C7orf57: variants seen among roughly 807,000 people sequenced by gnomAD.
C7orf57 encodes chromosome 7 open reading frame 57, also known as uncharacterized protein C7orf57.
In C7orf57, 33 loss-of-function variants were observed where a neutral mutation model predicts 39.0. That is an observed-to-expected ratio of 0.85 (90% CI 0.64 to 1.13). C7orf57 has a LOEUF of 1.13. Among genes scored for constraint, C7orf57 ranks in the 50% most tolerant of loss-of-function variants. C7orf57 has a pLI of 0.00. For synonymous variants in C7orf57, 124 were observed against 137.1 expected (o/e 0.90, Z 0.67); for missense variants, 346 against 362.3 (o/e 0.95, Z 0.37).
At chr7:48,047,836 AG>A (rs980622787) in intron 5 of C7orf57, among the ~76,000 whole-genome samples, 81 of 152,036 alleles carry the variant, frequency 5.3e-4, no homozygotes, top group African/African-American at 1.8e-3. Flanking sequence ...CCGAGTAGCT[AG>A]GTCTACAGGT....
At position 48,046,788 on chromosome 7, in the gene C7orf57, A is replaced by G. The variant is rs117041004; in HGVS notation, c.507+172A>G. ...CTAAAAGGCAAGCAGGCACCATACT[A>G]TGGTCTTTCTTTTTCTTTTTATGAA... On this transcript the variant is annotated intron_variant, in intron 5 of 8. Transcript: ENST00000348904. 2.0e-5 allele frequency among the ~76,000 whole-genome samples: 3 copies of G among 152,320 alleles called. No individual in the cohort carries two copies. In the East Asian group the frequency reaches 5.8e-4, roughly 29 times the overall value.
intron 3 of C7orf57, 168 bp downstream of exon 3, chr7:48,041,687 G>T (rs1262216790): frequency 2.2e-6 from 1 of 453,684 alleles, no homozygotes; most frequent in African/African-American, 2.0e-5. Flanking sequence ...GATCTCCAGG[G>T]ATGAGCTAAT....
At chr7:48,044,437 A>C (rs1418766359) in intron 4 of C7orf57, among the ~76,000 whole-genome samples, 1 of 152,216 alleles carries the variant, frequency 6.6e-6, no homozygotes, top group Non-Finnish European at 1.5e-5. Flanking sequence ...GCTCTCAGGC[A>C]ATAGATGATT....
intron 2 of C7orf57, among the ~76,000 whole-genome samples, chr7:48,039,976 C>G (rs961140121): frequency 6.6e-6 from 1 of 151,962 alleles, no homozygotes; most frequent in Non-Finnish European, 1.5e-5. Context: ...TACATTTGGG[C>G]ATCTGGTTAA....
Position 48,059,774 on chromosome 7 carries a change from T to C in C7orf57, c.842-452T>C, listed in dbSNP as rs553530212. Among the ~76,000 whole-genome samples, 6 of 152,356 alleles carry C rather than the reference T, an allele frequency of 3.9e-5. No individual in the cohort carries two copies. In the South Asian group the frequency reaches 1.2e-3, roughly 32 times the overall value. On this transcript the variant is annotated intron_variant, in intron 8 of 8. Transcript: ENST00000348904. ...GCCCTAAAGCTGGGCATTAGGAAAC[T>C]GGTACACTACTGTACTTTGAGAGGG...
intron 5 of C7orf57, among the ~76,000 whole-genome samples, chr7:48,047,489 G>T (rs1430423818): frequency 6.6e-6 from 1 of 152,210 alleles, no homozygotes; most frequent in Admixed American, 6.5e-5. Flanking sequence ...TTCCTAGGCT[G>T]TTGCCTTAGC....
At chr7:48,047,943 C>A (rs1260648710) in intron 5 of C7orf57, among the ~76,000 whole-genome samples, 1 of 152,166 alleles carries the variant, frequency 6.6e-6, no homozygotes, top group Non-Finnish European at 1.5e-5. Flanking sequence ...TGAGCTACAA[C>A]CTCTAGTGAT....
intron 5 of C7orf57, among the ~76,000 whole-genome samples, chr7:48,049,480 A>G (rs1639495256): frequency 6.6e-6 from 1 of 152,126 alleles, no homozygotes; most frequent in African/African-American, 2.4e-5. Flanking sequence ...TGATCATGAT[A>G]CAATTTGTTT....
At position 48,035,774 on chromosome 7, in the gene C7orf57, G is replaced by C; in HGVS notation, c.-102+144G>C. On this transcript the variant is annotated intron_variant, in intron 1 of 8. Transcript: ENST00000348904. The surrounding 1 kb of genome is among the most constrained non-coding windows in gnomAD (Gnocchi z 4.0). Reference sequence around the variant, plus strand: ...TGTCGCCGGGTTGGGATGAGCACAGGGCGGGATCTCCAAGCCTGCCCAAGT... The same window carrying C: ...TGTCGCCGGGTTGGGATGAGCACAGCGCGGGATCTCCAAGCCTGCCCAAGT... 1 of 584,346 alleles carries C rather than the reference G, an allele frequency of 1.7e-6. No individual in the cohort carries two copies. Among genetic ancestry groups the C allele is most frequent in the Non-Finnish European group, 3.0e-6 (1 of 330,424 alleles). The allele number at this position is 584,346 out of a possible 1,614,324, so 36.2% of individuals were successfully genotyped here. A position where few individuals can be genotyped will look rare whatever the true frequency, so the allele number is the denominator to read the frequency against.
At chr7:48,044,194 A>C (rs1277388535) in intron 4 of C7orf57, among the ~76,000 whole-genome samples, 1 of 152,140 alleles carries the variant, frequency 6.6e-6, no homozygotes, top group African/African-American at 2.4e-5. Context: ...ACTCTGCCGG[A>C]TCCGGAGAGG....
At chr7:48,047,564 A>G (rs1485412075) in intron 5 of C7orf57, among the ~76,000 whole-genome samples, 1 of 152,192 alleles carries the variant, frequency 6.6e-6, no homozygotes, top group Non-Finnish European at 1.5e-5. Context: ...CACCAAGTGG[A>G]ATGTCAACTG....
At position 48,038,987 on chromosome 7, in the gene C7orf57, G is replaced by C. The variant is rs115262547; in HGVS notation, c.56-2347G>C. Among the ~76,000 whole-genome samples, 1,382 of 152,258 alleles carry C rather than the reference G, an allele frequency of 9.1e-3. 15 individuals carry two copies. Among genetic ancestry groups the C allele is most frequent in the African/African-American group, 0.032 (1,317 of 41,542 alleles). ...AAGGAGTGACTGGGTTAAGATAAGG[G>C]GTTGTGGAGACTAAGGTTTTTGTCA... On this transcript the variant is annotated intron_variant, in intron 2 of 8. Transcript: ENST00000348904.
Position 48,035,964 on chromosome 7 carries a change from C to T in C7orf57, c.-101-244C>T, listed in dbSNP as rs934016781. Among the ~76,000 whole-genome samples the T allele has an allele frequency of 2.0e-5, 3 of 152,056 alleles. No homozygotes were observed. The highest frequency in any genetic ancestry group is 7.2e-5 in the African/African-American group (3 of 41,394). Reference sequence around the variant, plus strand: ...CGTGAATGTGCCCCTGCTGTGTACCCGGAGTGCGTACGTCCCTGCTGTGTA... The same window carrying T: ...CGTGAATGTGCCCCTGCTGTGTACCTGGAGTGCGTACGTCCCTGCTGTGTA... On this transcript the variant is annotated intron_variant, in intron 1 of 8. Transcript: ENST00000348904. This position sits in a 1 kb window ranked among gnomAD's most constrained non-coding sequence, Gnocchi z 4.0.
At chr7:48,054,704 C>A (rs944002251) in intron 8 of C7orf57, 98 bp downstream of exon 8, 9 of 1,049,436 alleles carry the variant, frequency 8.6e-6, no homozygotes, top group Non-Finnish European at 1.3e-5. Context: ...AGCCTCTAGG[C>A]AGCCTGGAAT....
At chr7:48,053,190 T>G in intron 7 of C7orf57, 1 of 554,684 alleles carries the variant, frequency 1.8e-6, no homozygotes, top group South Asian at 1.7e-5. Flanking sequence ...GATAGTCCAT[T>G]TGATATAACA....
Position 48,038,383 on chromosome 7 carries a change from TATAG to T in C7orf57, c.55+2054_55+2057del, listed in dbSNP as rs67831054. Reference sequence around the variant, plus strand: ...ATCCATGTCTATCTTTCTATATACATATAGATAGATAGATAGATAGATAGATAGA... The same window carrying T: ...ATCCATGTCTATCTTTCTATATACATATAGATAGATAGATAGATAGATAGA... On this transcript the variant is annotated intron_variant, in intron 2 of 8. Transcript: ENST00000348904. Among the ~76,000 whole-genome samples the T allele has an allele frequency of 2.0e-3, 293 of 150,232 alleles. 1 individual carries two copies. The highest frequency in any genetic ancestry group is 2.5e-3 in the Admixed American group (37 of 15,010).
chr7:48,048,970 A>G (rs562287148), intron 5 of C7orf57, among the ~76,000 whole-genome samples: 9 of 152,302 alleles, frequency 5.9e-5, no homozygotes, highest in South Asian at 2.1e-4. Flanking sequence ...GACCAGAGAC[A>G]TGGTAGCCCC....
intron 7 of C7orf57, 99 bp from the exon 8 acceptor site, chr7:48,054,492 TTAAG>T (rs982723816): frequency 2.1e-6 from 2 of 939,728 alleles, no homozygotes; most frequent in South Asian, 1.6e-5. Flanking sequence ...TATTGTTGTT[TTAAG>T]TAATACAGAA....
intron 4 of C7orf57, among the ~76,000 whole-genome samples, chr7:48,045,974 A>G (rs1450232477): frequency 6.6e-6 from 1 of 152,202 alleles, no homozygotes; most frequent in Non-Finnish European, 1.5e-5. Flanking sequence ...TAAGGGGTCA[A>G]AGTGGTAGAT....
Sources: gnomAD v4.1 joint callset for allele counts (sites outside exome capture counted in the v4.1 genomes callset) on GRCh38, gnomAD v4.1.1 for gene constraint, Gnocchi (gnomAD v3.1) non-coding constraint, MANE v1.5 for transcripts, NCBI Gene and HGNC (gene_info 2026-07-23, HGNC 2026-07-21) for gene names.